CELF1: variants seen among roughly 807,000 people sequenced by gnomAD.
CELF1 encodes the protein CUGBP Elav-like family member 1, also known as 50 kDa nuclear polyadenylated RNA-binding protein.
In CELF1, 10 loss-of-function variants were observed where a neutral mutation model predicts 61.8. The ratio of observed to expected loss-of-function variants is 0.16; its 90% CI spans 0.10 to 0.27. The LOEUF is 0.27. Among genes scored for constraint, CELF1 ranks in the 10% least tolerant of loss-of-function variants. CELF1 has a pLI of 1.00. For synonymous variants in CELF1, 236 were observed against 225.1 expected (o/e 1.05, Z -0.43); for missense variants, 380 against 639.1 (o/e 0.59, Z 4.37).
chr11:47,489,935 G>GTTTGTTTTTTTTTTTTTTTTTT, intron 3 of CELF1, among the ~76,000 whole-genome samples: 1 of 48,226 alleles, frequency 2.1e-5, no homozygotes, highest in Non-Finnish European at 3.9e-5. Context: ...ATACCATCTT[G>GTTTGTTTTTTTTTTTTTTTTTT]TTTTTTTTTT....
chr11:47,510,922 C>T (rs1027253002), intron 1 of CELF1, among the ~76,000 whole-genome samples: 4 of 152,000 alleles, frequency 2.6e-5, no homozygotes, highest in Non-Finnish European at 5.9e-5. Context: ...TGGCTCATAC[C>T]TATAATCCCA....
At chr11:47,559,905 GC>G (rs549384811) in intron 2 of CELF1, among the ~76,000 whole-genome samples, 3 of 151,872 alleles carry the variant, frequency 2.0e-5, no homozygotes, top group Admixed American at 6.6e-5. Flanking sequence ...AGGAGGCTGA[GC>G]CAGGAGAATC....
At chr11:47,508,115 T>C (rs1338846834) in intron 1 of CELF1, among the ~76,000 whole-genome samples, 1 of 152,174 alleles carries the variant, frequency 6.6e-6, no homozygotes, top group Non-Finnish European at 1.5e-5. Context: ...TCTGTCTCTC[T>C]AGAGAAATGT....
intron 13 of CELF1, 34 bp from the exon 14 acceptor site, chr11:47,473,265 TG>T: frequency 6.2e-7 from 1 of 1,600,518 alleles, no homozygotes; most frequent in Non-Finnish European, 8.5e-7. Flanking sequence ...AAAGTATCAG[TG>T]TCAAACATGC....
chr11:47,550,686 C>A (rs529715850), intron 1 of CELF1, among the ~76,000 whole-genome samples: 1 of 151,798 alleles, frequency 6.6e-6, no homozygotes, highest in African/African-American at 2.4e-5. Context: ...TTTTGACTTA[C>A]CTGTTTTTTT....
intron 1 of CELF1, among the ~76,000 whole-genome samples, chr11:47,520,288 T>C (rs1390404744): frequency 1.3e-5 from 2 of 152,238 alleles, no homozygotes; most frequent in Non-Finnish European, 2.9e-5. Context: ...TTTTGTGCTA[T>C]TTCATCACAC....
At chr11:47,483,718 G>GA (rs57673440) in intron 7 of CELF1, among the ~76,000 whole-genome samples, 186 bp from the exon 8 acceptor site, 31 of 147,968 alleles carry the variant, frequency 2.1e-4, no homozygotes, top group Admixed American at 7.4e-4. Context: ...ACCACTGACA[G>GA]AAAAAAAAAA....
chr11:47,510,931 C>T (rs1313518269), intron 1 of CELF1, among the ~76,000 whole-genome samples: 1 of 151,894 alleles, frequency 6.6e-6, no homozygotes, highest in Non-Finnish European at 1.5e-5. Context: ...CCTATAATCC[C>T]AACACTCTGG....
chr11:47,562,791 G>A (rs947161842), intron 2 of CELF1, among the ~76,000 whole-genome samples: 3 of 151,424 alleles, frequency 2.0e-5, no homozygotes, highest in Non-Finnish European at 4.4e-5. Context: ...CACAAACTCC[G>A]CCTCCTGGGT....
At chr11:47,508,145 T>C (rs1359849096) in intron 1 of CELF1, among the ~76,000 whole-genome samples, 1 of 152,190 alleles carries the variant, frequency 6.6e-6, no homozygotes, top group Non-Finnish European at 1.5e-5. Context: ...TTAGGAGATA[T>C]CAACTTTTAC....
intron 3 of CELF1, among the ~76,000 whole-genome samples, chr11:47,493,988 T>C (rs1234736663): frequency 1.3e-5 from 2 of 152,242 alleles, no homozygotes; most frequent in Non-Finnish European, 2.9e-5. Context: ...CTTTGTATCA[T>C]TAAATACATT....
chr11:47,479,048 GCC>G, intron 9 of CELF1, 96 bp from the exon 10 acceptor site: 1 of 945,542 alleles, frequency 1.1e-6, no homozygotes, highest in Non-Finnish European at 1.6e-6. Flanking sequence ...GAGTGCAGAG[GCC>G]CCCAGAGAGA....
chr11:47,493,649 T>A (rs948826079), intron 3 of CELF1, among the ~76,000 whole-genome samples: 1 of 151,702 alleles, frequency 6.6e-6, no homozygotes, highest in Non-Finnish European at 1.5e-5. Flanking sequence ...TTCAGTCTAG[T>A]AATAATAAAT....
At chr11:47,536,053 C>T (rs1475653744) in intron 1 of CELF1, among the ~76,000 whole-genome samples, 1 of 152,166 alleles carries the variant, frequency 6.6e-6, no homozygotes, top group South Asian at 2.1e-4. Flanking sequence ...TGAGCCACTG[C>T]ACCCAGCCCA....
chr11:47,548,556 A>T (rs1438513926), intron 1 of CELF1, among the ~76,000 whole-genome samples: 1 of 152,146 alleles, frequency 6.6e-6, no homozygotes, highest in African/African-American at 2.4e-5. Flanking sequence ...TCATCTATCT[A>T]ATAAGGGGTT....
intron 1 of CELF1, among the ~76,000 whole-genome samples, chr11:47,540,490 G>A (rs1470758730): frequency 6.6e-6 from 1 of 152,186 alleles, no homozygotes; most frequent in Non-Finnish European, 1.5e-5. Context: ...CCCACTAGCT[G>A]ACAAATGTCA....
At chr11:47,547,147 A>C (rs1256037005) in intron 1 of CELF1, among the ~76,000 whole-genome samples, 1 of 150,872 alleles carries the variant, frequency 6.6e-6, no homozygotes, top group Admixed American at 6.6e-5. Flanking sequence ...CTAGATTAGA[A>C]ATTTAAAATG....
rs182729288 is a variant in CELF1, at chr11:47,530,969, C to T, written c.-154+22023G>A. Among the ~76,000 whole-genome samples, 24 of 151,676 alleles carry T rather than the reference C, an allele frequency of 1.6e-4. No individual in the cohort carries two copies. The East Asian group carries it at 2.3e-3, about 15-fold the overall frequency. On this transcript the variant is annotated intron_variant, in intron 1 of 14. Coordinates refer to ENST00000687097, the MANE Select transcript of CELF1 (RefSeq NM_001376376.1). ...ACACCCTGTCTTAAAACAAAAAGCC[C>T]GGCGTGGTAGCTCATGCCTGTAATC...
intron 13 of CELF1, 141 bp from the exon 14 acceptor site, chr11:47,473,372 T>C (rs1487218216): frequency 1.3e-6 from 1 of 771,090 alleles, no homozygotes; most frequent in African/African-American, 1.8e-5. Context: ...AAACAGATTC[T>C]CTAAATACAA....
Sources: gnomAD v4.1 joint callset for allele counts (sites outside exome capture counted in the v4.1 genomes callset) on GRCh38, gnomAD v4.1.1 for gene constraint, MANE v1.5 for transcripts, NCBI Gene and HGNC (gene_info 2026-07-23, HGNC 2026-07-21) for gene names.